BMAL2: variants seen among roughly 807,000 people sequenced by gnomAD.
BMAL2 encodes basic helix-loop-helix ARNT like 2.
chr12:27,352,629 C>T, the BMAL2 span, among the ~76,000 whole-genome samples: 1 of 152,100 alleles, frequency 6.6e-6, no homozygotes, highest in Non-Finnish European at 1.5e-5. Flanking sequence ...GAAAAGGCAT[C>T]CCAACAGGAA....
the BMAL2 span, among the ~76,000 whole-genome samples, chr12:27,352,023 C>T: frequency 1.3e-5 from 2 of 152,114 alleles, no homozygotes; most frequent in Admixed American, 1.3e-4. Context: ...TATCACTGCA[C>T]CCTAATTTTT....
the BMAL2 span, chr12:27,390,341 T>C: frequency 7.8e-7 from 1 of 1,286,280 alleles, no homozygotes; most frequent in Non-Finnish European, 1.1e-6. Context: ...AAGGGAAATA[T>C]TTGAATTCAA....
At chr12:27,388,884 C>T in the BMAL2 span, among the ~76,000 whole-genome samples, 1 of 152,038 alleles carries the variant, frequency 6.6e-6, no homozygotes, top group Non-Finnish European at 1.5e-5. Context: ...AAGTAAATCA[C>T]AATCATTTAC....
At chr12:27,404,648 G>C in the BMAL2 span, among the ~76,000 whole-genome samples, 2 of 152,170 alleles carry the variant, frequency 1.3e-5, no homozygotes, top group Non-Finnish European at 2.9e-5. Context: ...AATAGGAACA[G>C]CTCCAGTCTA....
At chr12:27,389,980 T>A in the BMAL2 span, 3 of 1,310,888 alleles carry the variant, frequency 2.3e-6, no homozygotes, top group African/African-American at 4.4e-5. Flanking sequence ...GCCATTGCTT[T>A]AAAAAACTGT....
At chr12:27,404,732 T>C in the BMAL2 span, among the ~76,000 whole-genome samples, 11 of 152,146 alleles carry the variant, frequency 7.2e-5, no homozygotes, top group Non-Finnish European at 1.2e-4. Flanking sequence ...TTCATCTCAC[T>C]GGGGATTGTT....
chr12:27,367,805 A>G, the BMAL2 span, among the ~76,000 whole-genome samples: 104 of 137,720 alleles, frequency 7.6e-4, no homozygotes, highest in Non-Finnish European at 1.3e-3. Flanking sequence ...ATGTGTATAT[A>G]TAGATATAAT....
At chr12:27,393,983 G>A in the BMAL2 span, among the ~76,000 whole-genome samples, 1 of 152,176 alleles carries the variant, frequency 6.6e-6, no homozygotes, top group Non-Finnish European at 1.5e-5. Flanking sequence ...TAACACACTT[G>A]TGCAGTGGTG....
the BMAL2 span, among the ~76,000 whole-genome samples, chr12:27,355,449 T>C: frequency 6.6e-6 from 1 of 152,222 alleles, no homozygotes; most frequent in Non-Finnish European, 1.5e-5. Flanking sequence ...GTCATCCTAA[T>C]GTTATTTCCA....
chr12:27,401,517 C>T, the BMAL2 span: 3 of 1,573,322 alleles, frequency 1.9e-6, no homozygotes, highest in South Asian at 1.2e-5. Flanking sequence ...TATCTTTTCT[C>T]GTTAAGTTCT....
chr12:27,371,998 G>A, the BMAL2 span, among the ~76,000 whole-genome samples: 1 of 152,182 alleles, frequency 6.6e-6, no homozygotes, highest in African/African-American at 2.4e-5. Flanking sequence ...GGAGTCCAAG[G>A]TGGGTGGACT....
the BMAL2 span, among the ~76,000 whole-genome samples, chr12:27,416,892 G>C: frequency 6.6e-6 from 1 of 152,218 alleles, no homozygotes; most frequent in African/African-American, 2.4e-5. Context: ...GAGCCCAGAA[G>C]TTTCAGGCTG....
At chr12:27,380,193 T>A in the BMAL2 span, 3 of 1,565,490 alleles carry the variant, frequency 1.9e-6, no homozygotes, top group Non-Finnish European at 2.6e-6. Flanking sequence ...AACACGGGGG[T>A]GACTGGGGGT....
the BMAL2 span, chr12:27,376,418 T>C: frequency 6.2e-7 from 1 of 1,608,328 alleles, no homozygotes. Context: ...TGGTACATGG[T>C]GAGTGGAAAG....
At chr12:27,364,249 T>G in the BMAL2 span, among the ~76,000 whole-genome samples, 9 of 152,204 alleles carry the variant, frequency 5.9e-5, no homozygotes, top group Non-Finnish European at 1.5e-5. Context: ...AGTTTCCACA[T>G]GAATTTCGGA....
At chr12:27,380,057 C>A in the BMAL2 span, among the ~76,000 whole-genome samples, 1 of 152,098 alleles carries the variant, frequency 6.6e-6, no homozygotes, top group Non-Finnish European at 1.5e-5. Flanking sequence ...CCAAGGGCAG[C>A]GAGTTTTATG....
the BMAL2 span, among the ~76,000 whole-genome samples, chr12:27,403,699 A>T: frequency 1.3e-5 from 2 of 152,334 alleles, no homozygotes; most frequent in Admixed American, 6.5e-5. Flanking sequence ...TATAAATTTT[A>T]TAAGAAATAT....
At chr12:27,401,783 T>C in the BMAL2 span, 1 of 712,564 alleles carries the variant, frequency 1.4e-6, no homozygotes, top group East Asian at 3.0e-5. Flanking sequence ...TCTGGCCTTT[T>C]ATTGTAACTT....
the BMAL2 span, among the ~76,000 whole-genome samples, chr12:27,405,165 T>C: frequency 2.6e-5 from 4 of 152,142 alleles, no homozygotes; most frequent in African/African-American, 9.7e-5. Context: ...AGACTCCATC[T>C]CTGGGGGCAG....
Sources: gnomAD v4.1 joint callset for allele counts (sites outside exome capture counted in the v4.1 genomes callset) on GRCh38, gnomAD v4.1.1 for gene constraint, MANE v1.5 for transcripts, NCBI Gene and HGNC (gene_info 2026-07-23, HGNC 2026-07-21) for gene names.